The following GALNT2 variants were observed in gnomAD, a reference collection of about 807,000 sequenced individuals.
GALNT2 encodes the protein UDP-GalNAc:polypeptide N-acetylgalactosaminyltransferase 2.
GALNT2 carries 31 observed loss-of-function variants against 81.4 expected under a neutral mutation model. The ratio of observed to expected loss-of-function variants is 0.38; its 90% confidence interval spans 0.29 to 0.51. The LOEUF (loss-of-function observed/expected upper bound fraction) is 0.51. Ranked by LOEUF, GALNT2 falls within the 20% of genes least tolerant of loss-of-function variation. GALNT2 has a pLI of 0.87. For synonymous variants in GALNT2, 303 were observed against 287.4 expected (o/e 1.05, Z -0.55); for missense variants, 629 against 765.7 (o/e 0.82, Z 2.11).
At chr1:230,061,006 C>T (rs1434036445) in intron 1 of GALNT2, among the ~76,000 whole-genome samples, 1 of 152,090 alleles carries the variant, frequency 6.6e-6, no homozygotes, top group Non-Finnish European at 1.5e-5. Context: ...ACCCTCTCAA[C>T]CCCAGTCCTG....
intron 14 of GALNT2, 131 bp from the exon 15 acceptor site, chr1:230,274,314 G>A (rs1317026080): frequency 6.5e-6 from 8 of 1,239,798 alleles, no homozygotes; most frequent in Non-Finnish European, 8.8e-6. Context: ...TTCGTTCTCA[G>A]TTGGCTCAGG....
intron 11 of GALNT2, 97 bp downstream of exon 11, chr1:230,255,441 G>C: frequency 6.7e-7 from 1 of 1,489,602 alleles, no homozygotes; most frequent in Non-Finnish European, 9.3e-7. Context: ...GTCCTTCAGT[G>C]GGTGTGGTGC....
At chr1:230,129,147 C>T (rs949956206) in intron 1 of GALNT2, among the ~76,000 whole-genome samples, 1 of 152,222 alleles carries the variant, frequency 6.6e-6, no homozygotes, top group South Asian at 2.1e-4. Flanking sequence ...TAATCTGGCT[C>T]ATTAGGAATT....
rs7517968 is a variant in GALNT2, at chr1:230,257,400, T to G, written c.1136+2056T>G. On this transcript the variant is annotated intron_variant, in intron 11 of 15. Coordinates refer to ENST00000366672, the MANE Select transcript of GALNT2 (RefSeq NM_004481.5). This position sits in a 1 kb window ranked among gnomAD's most constrained non-coding sequence, Gnocchi z 4.6. ...GCACCTGTAACAGCGTTTCGGTCGGTGACAGTAGTCCCATAAGATTATAAT... is the reference window on the plus strand; with the variant it reads ...GCACCTGTAACAGCGTTTCGGTCGGGGACAGTAGTCCCATAAGATTATAAT... 0.052 allele frequency among the ~76,000 whole-genome samples: 7,919 copies of G among 152,270 alleles called. 235 individuals carry two copies. Among genetic ancestry groups the G allele is most frequent in the Non-Finnish European group, 0.065 (4,394 of 68,006 alleles).
rs1664476822 is a variant in GALNT2, at chr1:230,219,276, T to G, written c.374+15986T>G. On this transcript the variant is annotated intron_variant, in intron 3 of 15. Coordinates refer to ENST00000366672, the MANE Select transcript of GALNT2 (RefSeq NM_004481.5). The stretch of plus-strand genomic sequence containing the variant: ...GTGCAAAGGCCAAGGTACTTGTTCT[T>G]GATATTCACATATAAGTGTCACCTG... Among the ~76,000 whole-genome samples the G allele has an allele frequency of 2.0e-5, 3 of 152,210 alleles. No homozygotes were observed. The South Asian group carries it at 6.2e-4, about 32-fold the overall frequency.
intron 1 of GALNT2, among the ~76,000 whole-genome samples, chr1:230,068,204 T>C (rs3124555): frequency 0.92 from 139,708 of 152,334 alleles, 64,148 homozygotes; most frequent in Admixed American, 0.95. Context: ...CCGAGTGATC[T>C]GGCTGTGGGG....
chr1:230,100,405 C>A (rs1660369101), intron 1 of GALNT2, among the ~76,000 whole-genome samples: 1 of 148,336 alleles, frequency 6.7e-6, no homozygotes, highest in African/African-American at 2.5e-5. Context: ...CGGCTCACTG[C>A]AAACTCCGCC....
chr1:230,246,125 G>A lies in GALNT2; in HGVS notation c.792G>A (p.Val264=), dbSNP rs1157737258. The A allele has an allele frequency of 2.5e-6, 4 of 1,613,998 alleles. No individual in the cohort carries two copies. In the South Asian group the frequency reaches 4.4e-5, roughly 18 times the overall value. ...DVINMDNFQY[V]GASADLKGGF... The stretch of plus-strand genomic sequence containing the variant: ...TTAATATGGACAACTTTCAGTATGT[G>A]GGGGCATCTGCTGACTTGAAGGGCG... The change falls in exon 8 of 16, where the codon GTG becomes GTA. Residue 264 remains valine (V), a synonymous_variant. Transcript: ENST00000366672.
At chr1:230,221,570 G>C (rs909938978) in intron 3 of GALNT2, among the ~76,000 whole-genome samples, 1 of 152,058 alleles carries the variant, frequency 6.6e-6, no homozygotes, top group African/African-American at 2.4e-5. Flanking sequence ...TCTAGCTTTG[G>C]CTTCAAGATT....
At chr1:230,158,191 C>G (rs933727221) in intron 1 of GALNT2, among the ~76,000 whole-genome samples, 8 of 151,678 alleles carry the variant, frequency 5.3e-5, no homozygotes, top group African/African-American at 1.9e-4. Context: ...GCCCGGGTAG[C>G]AGGGGGGCAG....
chr1:230,150,432 G>A (rs1662057669), intron 1 of GALNT2, among the ~76,000 whole-genome samples: 1 of 152,202 alleles, frequency 6.6e-6, no homozygotes, highest in Admixed American at 6.5e-5. Context: ...GTTTCCAACA[G>A]CTGCTTTAAA....
chr1:230,183,342 G>A (rs1290731380), intron 2 of GALNT2, among the ~76,000 whole-genome samples: 1 of 151,788 alleles, frequency 6.6e-6, no homozygotes, highest in African/African-American at 2.4e-5. Context: ...CCCTTATTCT[G>A]TGTTTGTACT....
At chr1:230,058,659 A>G (rs1443857248) in intron 1 of GALNT2, among the ~76,000 whole-genome samples, 1 of 152,262 alleles carries the variant, frequency 6.6e-6, no homozygotes, top group Non-Finnish European at 1.5e-5. Context: ...TATGGTAAGC[A>G]CATCATTAAT....
At chr1:230,273,846 G>A (rs971497537) in intron 14 of GALNT2, among the ~76,000 whole-genome samples, 1 of 152,228 alleles carries the variant, frequency 6.6e-6, no homozygotes, top group Non-Finnish European at 1.5e-5. Context: ...TAGCTGTAAT[G>A]TATTCAAAGA....
At chr1:230,210,266 G>A (rs1245608821) in intron 3 of GALNT2, among the ~76,000 whole-genome samples, 1 of 152,188 alleles carries the variant, frequency 6.6e-6, no homozygotes, top group Non-Finnish European at 1.5e-5. Context: ...ATTATTTACA[G>A]ATGTAAAATG....
In GALNT2 at chr1:230,151,302, G is replaced by A. The variant is rs550715619; in HGVS notation, c.127-26916G>A. On this transcript the variant is annotated intron_variant, in intron 1 of 15. Coordinates refer to ENST00000366672, the MANE Select transcript of GALNT2 (RefSeq NM_004481.5). Reference sequence around the variant, plus strand: ...TGTTGTGTCACTTGCTCTGACCACCGTTGACATCGCAGCACAGCGCTGCAC... The same window carrying A: ...TGTTGTGTCACTTGCTCTGACCACCATTGACATCGCAGCACAGCGCTGCAC... 2.4e-4 allele frequency among the ~76,000 whole-genome samples: 37 copies of A among 152,322 alleles called. No homozygotes were observed. In the Middle Eastern group the frequency reaches 0.01, roughly 42 times the overall value.
intron 1 of GALNT2, among the ~76,000 whole-genome samples, chr1:230,071,440 A>G (rs1659372060): frequency 6.6e-6 from 1 of 152,174 alleles, no homozygotes; most frequent in Admixed American, 6.5e-5. Flanking sequence ...GTAGTGTCCA[A>G]CAGTGGACAG....
intron 1 of GALNT2, among the ~76,000 whole-genome samples, chr1:230,121,667 A>G (rs559268659): frequency 2.6e-4 from 39 of 152,270 alleles, no homozygotes; most frequent in African/African-American, 9.4e-4. Flanking sequence ...ATCATAAGCA[A>G]TAATAGCTGA....
chr1:230,270,839 T>G (rs914716918), intron 14 of GALNT2, among the ~76,000 whole-genome samples: 1 of 152,212 alleles, frequency 6.6e-6, no homozygotes, highest in Admixed American at 6.5e-5. Flanking sequence ...TCTTAAATAT[T>G]TATGAACTTT....
Sources: gnomAD v4.1 joint callset for allele counts (sites outside exome capture counted in the v4.1 genomes callset) on GRCh38, gnomAD v4.1.1 for gene constraint, Gnocchi (gnomAD v3.1) non-coding constraint, MANE v1.5 for transcripts, NCBI Gene and HGNC (gene_info 2026-07-23, HGNC 2026-07-21) for gene names.